Variants in NWD1 observed in about 807,000 individuals in gnomAD.
The protein encoded by NWD1 is NACHT and WD repeat domain containing 1.
NWD1 carries 129 observed loss-of-function variants against 135.1 expected under a neutral mutation model. The observed-to-expected ratio is 0.96, with a 90% CI of 0.83 to 1.11. The LOEUF (loss-of-function observed/expected upper bound fraction) is 1.11. Among genes scored for constraint, NWD1 ranks in the 50% least tolerant of loss-of-function variants. The probability of loss-of-function intolerance (pLI) is 0.00; values close to 1 mark genes in which losing one functional copy is unlikely to be tolerated. For missense variants in NWD1, 1,740 were observed against 1,851.3 expected, an observed-to-expected ratio of 0.94 and a Z score of 1.10; for synonymous variants, 773 against 786.0, an observed-to-expected ratio of 0.98 and a Z score of 0.28.
At chr19:16,787,904 A>AATAATAATC (rs1283683765) in intron 12 of NWD1, among the ~76,000 whole-genome samples, 6 of 121,052 alleles carry the variant, frequency 5.0e-5, no homozygotes, top group African/African-American at 1.9e-4. Flanking sequence ...TAATAATAAT[A>AATAATAATC]ATCATCATCA....
chr19:16,775,737 C>T (rs551277783), intron 11 of NWD1, among the ~76,000 whole-genome samples: 22 of 152,264 alleles, frequency 1.4e-4, no homozygotes, highest in African/African-American at 2.9e-4. Context: ...GGCGCAATCT[C>T]GGCTCACTGC....
Position 16,808,088 on chromosome 19 carries a change from T to A in NWD1, c.4239T>A (p.Cys1413Ter), listed in dbSNP as rs779538269. 6.2e-7 allele frequency: 1 copy of A among 1,614,078 alleles called. No homozygotes were observed. Among genetic ancestry groups the A allele is most frequent in the South Asian group, 1.1e-5 (1 of 91,072 alleles). ...VVSGSEDALL[C>*]LWDLQARKWK... The stretch of plus-strand genomic sequence containing the variant: ...GCGGGTCTGAGGATGCCCTGCTGTG[T>A]CTCTGGGACCTGCAGGCACGCAAGT... Residue 1413 changes from cysteine to a stop codon, truncating the protein, a stop_gained, in exon 18 of 19, where the codon TGT (cysteine) becomes TGA (stop). Transcript: ENST00000524140. LOFTEE classifies it high-confidence loss of function.
chr19:16,767,626 AAAAACCATCAGATCTCGTG>A (rs1451656497), intron 10 of NWD1, among the ~76,000 whole-genome samples: 1 of 152,016 alleles, frequency 6.6e-6, no homozygotes, highest in Non-Finnish European at 1.5e-5. Context: ...ATAAAACCCA[AAAAACCATCAGATCTCGTG>A]AAAACTCACT....
Position 16,749,570 on chromosome 19 carries a change from C to T in NWD1, c.928C>T (p.Gln310Ter), listed in dbSNP as rs765090731. Residue 310 changes from glutamine (Q) to a stop codon, truncating the protein, a stop_gained, in exon 6 of 19, where the codon CAG becomes TAG. Transcript: ENST00000524140. LOFTEE classifies it high-confidence loss of function. ...CCTTTGGCAGAGCTCGGAGGTCATT[C>T]AGACCTTCTGCGGACGCCAGGAACT... is the stretch of plus-strand genomic sequence containing the variant. ...HHLWQSSEVI[Q>*]TFCGRQELLA... 1 of 1,613,420 alleles carries T rather than the reference C, an allele frequency of 6.2e-7. No homozygotes were observed. The highest frequency in any genetic ancestry group is 8.5e-7 in the Non-Finnish European group (1 of 1,179,464).
chr19:16,732,678 G>GAAAAAAAAAAAAAA (rs1967629872), intron 3 of NWD1, among the ~76,000 whole-genome samples: 2 of 51,650 alleles, frequency 3.9e-5, no homozygotes, highest in African/African-American at 1.3e-4. Flanking sequence ...AAGAAAAAGT[G>GAAAAAAAAAAAAAA]AAAAAGTGCA....
At chr19:16,774,093 C>A (rs1969513602) in intron 11 of NWD1, among the ~76,000 whole-genome samples, 1 of 150,624 alleles carries the variant, frequency 6.6e-6, no homozygotes, top group African/African-American at 2.5e-5. Context: ...TCCCACCCAC[C>A]CATCCATTCA....
chr19:16,734,466 C>T (rs572596096), intron 3 of NWD1, among the ~76,000 whole-genome samples: 1 of 149,174 alleles, frequency 6.7e-6, no homozygotes, highest in South Asian at 2.1e-4. Context: ...ACCCGGGAGG[C>T]GGAGCTTGCA....
At chr19:16,800,387 A>C (rs1970567560) in intron 17 of NWD1, among the ~76,000 whole-genome samples, 1 of 151,972 alleles carries the variant, frequency 6.6e-6, no homozygotes, top group African/African-American at 2.4e-5. Flanking sequence ...TACAAAAGTT[A>C]GCCGGGCATG....
At chr19:16,754,066 C>T (rs1346113549) in intron 6 of NWD1, among the ~76,000 whole-genome samples, 2 of 151,410 alleles carry the variant, frequency 1.3e-5, no homozygotes, top group African/African-American at 2.4e-5. Context: ...CCCATCATCT[C>T]GATCTTCCTT....
At chr19:16,803,443 C>T (rs1169016251) in intron 17 of NWD1, among the ~76,000 whole-genome samples, 2 of 152,078 alleles carry the variant, frequency 1.3e-5, no homozygotes, top group African/African-American at 4.8e-5. Flanking sequence ...ATTCCTATAA[C>T]TTCAATCAGG....
intron 18 of NWD1, chr19:16,812,726 T>G (rs1400436381): frequency 1.3e-6 from 1 of 780,462 alleles, no homozygotes; most frequent in Non-Finnish European, 2.4e-6. Context: ...AGAGAGATCA[T>G]ATTGTCTGTT....
At position 16,750,193 on chromosome 19, in the gene NWD1, G is replaced by T. The variant is rs148902093; in HGVS notation, c.1551G>T (p.Pro517=). ...LLAAARRTLS[P]VHTDLLWASL... ...CAGCTGCAAGGAGGACGCTGAGCCC[G>T]GTGCACACAGATTTGCTCTGGGCCA... Residue 517 remains proline, a synonymous_variant, in exon 6 of 19, where the codon CCG becomes CCT. Coordinates refer to ENST00000524140, the MANE Select transcript of NWD1 (RefSeq NM_001007525.5). 6.8e-6 allele frequency: 11 copies of T among 1,613,140 alleles called. No homozygotes were observed. The Admixed American group carries it at 1.2e-4, about 17-fold the overall frequency.
chr19:16,776,103 T>C (rs998097299), intron 11 of NWD1, among the ~76,000 whole-genome samples: 1 of 152,210 alleles, frequency 6.6e-6, no homozygotes, highest in African/African-American at 2.4e-5. Context: ...TGATTAATGA[T>C]GTCTGTCATG....
At chr19:16,729,376 C>T (rs575215285) in intron 2 of NWD1, among the ~76,000 whole-genome samples, 1 of 152,082 alleles carries the variant, frequency 6.6e-6, no homozygotes, top group East Asian at 1.9e-4. Flanking sequence ...GGGCCCATAT[C>T]AGGACTATCA....
intron 4 of NWD1, among the ~76,000 whole-genome samples, chr19:16,742,127 C>A (rs1278014746): frequency 6.6e-6 from 1 of 151,336 alleles, no homozygotes; most frequent in Non-Finnish European, 1.5e-5. Flanking sequence ...GTAATCCCAA[C>A]ACTTTGGGAG....
chr19:16,792,009 C>T lies in NWD1; in HGVS notation c.3213+387C>T, dbSNP rs144729143. Among the ~76,000 whole-genome samples, 873 of 152,202 alleles carry T rather than the reference C, an allele frequency of 5.7e-3. 10 individuals are homozygous for T. The highest frequency in any genetic ancestry group is 0.019 in the African/African-American group (771 of 41,532). On this transcript the variant is annotated intron_variant, in intron 14 of 18. Coordinates refer to ENST00000524140, the MANE Select transcript of NWD1 (RefSeq NM_001007525.5). ...GATTACAGGCATGAGCCACCGTGCC[C>T]GGCCACACGCTTGGCTTCTTAATCG...
intron 15 of NWD1, among the ~76,000 whole-genome samples, chr19:16,797,196 T>A (rs1013798514): frequency 3.1e-4 from 44 of 141,104 alleles, no homozygotes; most frequent in African/African-American, 1.0e-3. Context: ...AAAAAAAAAT[T>A]GATGAGTGAT....
intron 3 of NWD1, among the ~76,000 whole-genome samples, chr19:16,732,814 C>A (rs1478942007): frequency 6.6e-6 from 1 of 152,022 alleles, no homozygotes; most frequent in Non-Finnish European, 1.5e-5. Flanking sequence ...GGGGATGTTT[C>A]TGCCTGCACA....
At chr19:16,732,481 T>C (rs1456382319) in intron 3 of NWD1, among the ~76,000 whole-genome samples, 1 of 151,472 alleles carries the variant, frequency 6.6e-6, no homozygotes, top group Non-Finnish European at 1.5e-5. Context: ...ATATGGGGGA[T>C]GGGCATGGAG....
Sources: gnomAD v4.1 joint callset for allele counts (sites outside exome capture counted in the v4.1 genomes callset) on GRCh38, gnomAD v4.1.1 for gene constraint, MANE v1.5 for transcripts, NCBI Gene and HGNC (gene_info 2026-07-23, HGNC 2026-07-21) for gene names.